Variants in MICAL3 observed in about 807,000 individuals in gnomAD.
MICAL3 encodes the protein [F-actin]-monooxygenase MICAL3.
MICAL3 carries 62 observed loss-of-function variants against 207.4 expected under a neutral mutation model. The observed-to-expected ratio is 0.30, with a 90% CI of 0.24 to 0.37. The LOEUF (loss-of-function observed/expected upper bound fraction) is 0.37, where lower values mean the gene tolerates loss of function less well. Among genes scored for constraint, MICAL3 ranks in the 10% least tolerant of loss-of-function variants. The pLI, the probability that MICAL3 is intolerant of heterozygous loss-of-function variation, is 1.00. For synonymous variants in MICAL3, 1,077 were observed against 1,069.3 expected, an observed-to-expected ratio of 1.01 and a Z score of -0.14; for missense variants, 2,368 against 2,635.6, an observed-to-expected ratio of 0.90 and a Z score of 2.22.
chr22:17,798,384 G>A (rs1601920334), intron 29 of MICAL3, among the ~76,000 whole-genome samples: 2 of 152,164 alleles, frequency 1.3e-5, no homozygotes, highest in South Asian at 2.1e-4. Flanking sequence ...AACATCCTGC[G>A]TAGATAGAGA....
rs528518305 is a variant in MICAL3, at chr22:17,906,512, G to A, written c.264+37C>T. 66 of 1,612,720 alleles carry A rather than the reference G, an allele frequency of 4.1e-5. 1 individual carries two copies. In the Middle Eastern group the frequency reaches 7.0e-4, roughly 17 times the overall value. ...ACGTTGTTGAGGGAGAAGGCATCTC[G>A]TCAGTGACCCCAGGGCCCAACAGGA... On this transcript the variant is annotated intron_variant, in intron 2 of 31. Coordinates refer to ENST00000441493, the MANE Select transcript of MICAL3 (RefSeq NM_015241.3).
chr22:17,805,266 C>A (rs577263522), intron 29 of MICAL3, among the ~76,000 whole-genome samples: 41 of 152,304 alleles, frequency 2.7e-4, no homozygotes, highest in Admixed American at 1.1e-3. Context: ...AGAAGAGGAA[C>A]GGGACGCAGA....
rs116793914 is a variant in MICAL3, at chr22:17,988,851, C to T, written c.-75+35430G>A. Among the ~76,000 whole-genome samples the T allele has an allele frequency of 7.9e-3, 1,197 of 152,242 alleles. 16 individuals carry two copies. Among genetic ancestry groups the T allele is most frequent in the African/African-American group, 0.027 (1,132 of 41,534 alleles). On this transcript the variant is annotated intron_variant, in intron 1 of 31. Coordinates refer to ENST00000441493, the MANE Select transcript of MICAL3 (RefSeq NM_015241.3). ...CATAAAATTTAAGTTTCAGAGGCCA[C>T]AAATAAAAGCATTACTGGAATCCAG...
At chr22:17,820,963 T>C (rs1251653648) in intron 25 of MICAL3, among the ~76,000 whole-genome samples, 1 of 142,816 alleles carries the variant, frequency 7.0e-6, no homozygotes, top group Non-Finnish European at 1.5e-5. Context: ...TAAATTTTAA[T>C]AAATTTATAT....
chr22:17,932,549 C>T (rs925306857), intron 1 of MICAL3, among the ~76,000 whole-genome samples: 1 of 152,174 alleles, frequency 6.6e-6, no homozygotes, highest in Non-Finnish European at 1.5e-5. Context: ...ACTATCAATG[C>T]TATGAAGAAA....
At chr22:17,998,886 T>A (rs1030853856) in intron 1 of MICAL3, among the ~76,000 whole-genome samples, 2 of 152,202 alleles carry the variant, frequency 1.3e-5, no homozygotes, top group South Asian at 4.1e-4. Context: ...CCAGGCCCCA[T>A]AATATTATGG....
chr22:17,852,009 T>C (rs1049684036), intron 19 of MICAL3, among the ~76,000 whole-genome samples: 12 of 152,290 alleles, frequency 7.9e-5, no homozygotes, highest in Non-Finnish European at 1.6e-4. Flanking sequence ...CCAACCCTCC[T>C]GTCCTCCAGA....
At position 17,812,487 on chromosome 22, in the gene MICAL3, T is replaced by G. The variant is rs951716266; in HGVS notation, c.5446-1674A>C. 4 of 985,208 alleles carry G rather than the reference T, an allele frequency of 4.1e-6. No individual in the cohort carries two copies. The African/African-American group carries it at 7.0e-5, about 17-fold the overall frequency. 61.0% of individuals were successfully genotyped at this position (985,208 alleles called of 1,614,324 possible). On this transcript the variant is annotated intron_variant, in intron 27 of 31. Coordinates refer to ENST00000441493, the MANE Select transcript of MICAL3 (RefSeq NM_015241.3). The stretch of plus-strand genomic sequence containing the variant: ...AGACATGCATGCAACGGTGACCAGC[T>G]GACAGGAACGAGACACTACCTTTGA...
intron 20 of MICAL3, chr22:17,840,449 T>C (rs1923901190): frequency 6.6e-6 from 1 of 152,236 alleles, no homozygotes; most frequent in Non-Finnish European, 1.5e-5. Flanking sequence ...GAGGCATGTA[T>C]TGCATTGCAT....
At chr22:17,887,473 T>G (rs1270111187) in intron 13 of MICAL3, 38 bp from the exon 14 acceptor site, 6 of 1,473,612 alleles carry the variant, frequency 4.1e-6, no homozygotes, top group Middle Eastern at 4.4e-4. Context: ...GCACAGCCCT[T>G]GAGGGCGCCG....
intron 20 of MICAL3, chr22:17,840,762 GGGGCCTCCAT>G: frequency 6.6e-6 from 1 of 152,356 alleles, no homozygotes; most frequent in South Asian, 2.1e-4. Context: ...TGGGGAGAGT[GGGGCCTCCAT>G]GGGTGCTCTG....
chr22:17,841,552 C>A lies in MICAL3; in HGVS notation c.2801+270G>T, dbSNP rs1210925544. The stretch of plus-strand genomic sequence containing the variant: ...AATAACCCGGGGGCAGAGCCTGCCA[C>A]TTTCCTTCCCAATGACAGACTTGGA... On this transcript the variant is annotated intron_variant, in intron 20 of 31. Coordinates refer to ENST00000441493, the MANE Select transcript of MICAL3 (RefSeq NM_015241.3). The surrounding 1 kb of genome is among the most constrained non-coding windows in gnomAD (Gnocchi z 4.2). 26 of 567,114 alleles carry A rather than the reference C, an allele frequency of 4.6e-5. No individual in the cohort carries two copies. Among genetic ancestry groups the A allele is most frequent in the Non-Finnish European group, 6.0e-5 (19 of 317,708 alleles). 35.1% of individuals were successfully genotyped at this position (567,114 alleles called of 1,614,324 possible). A position where few individuals can be genotyped will look rare whatever the true frequency, so the allele number is the denominator to read the frequency against.
At chr22:17,926,411 C>T (rs1425516332) in intron 1 of MICAL3, among the ~76,000 whole-genome samples, 2 of 152,194 alleles carry the variant, frequency 1.3e-5, no homozygotes, top group African/African-American at 4.8e-5. Context: ...GTGCATGCTC[C>T]TCCGGCTTTT....
At chr22:17,944,834 T>C (rs1933981019) in intron 1 of MICAL3, among the ~76,000 whole-genome samples, 1 of 152,096 alleles carries the variant, frequency 6.6e-6, no homozygotes. Flanking sequence ...CGGCAGCAGA[T>C]GGGAGAAGAG....
chr22:17,842,673 C>A (rs1415212028), intron 19 of MICAL3, among the ~76,000 whole-genome samples: 1 of 152,270 alleles, frequency 6.6e-6, no homozygotes, highest in Non-Finnish European at 1.5e-5. Flanking sequence ...GGCCTCTCTG[C>A]GATGCACAGG....
chr22:18,011,697 T>C (rs1923744911), intron 1 of MICAL3, among the ~76,000 whole-genome samples: 1 of 150,480 alleles, frequency 6.6e-6, no homozygotes, highest in Non-Finnish European at 1.5e-5. Flanking sequence ...GGTAAAAATA[T>C]TACTATATTA....
At chr22:18,011,750 G>A (rs1263120816) in intron 1 of MICAL3, among the ~76,000 whole-genome samples, 2 of 150,244 alleles carry the variant, frequency 1.3e-5, no homozygotes, top group South Asian at 4.2e-4. Context: ...AAATTAGCTG[G>A]GTGTGGTGGT....
chr22:17,984,151 T>C (rs1936049902), intron 1 of MICAL3, among the ~76,000 whole-genome samples: 1 of 152,156 alleles, frequency 6.6e-6, no homozygotes, highest in South Asian at 2.1e-4. Flanking sequence ...GTTCCATCTA[T>C]CTGACATCTT....
chr22:17,859,350 C>G (rs968957810), intron 19 of MICAL3, among the ~76,000 whole-genome samples: 2 of 152,194 alleles, frequency 1.3e-5, no homozygotes, highest in African/African-American at 4.8e-5. Context: ...GCCTAGGGCC[C>G]GGCAGGTGCA....
Sources: gnomAD v4.1 joint callset for allele counts (sites outside exome capture counted in the v4.1 genomes callset) on GRCh38, gnomAD v4.1.1 for gene constraint, Gnocchi (gnomAD v3.1) non-coding constraint, MANE v1.5 for transcripts, NCBI Gene and HGNC (gene_info 2026-07-23, HGNC 2026-07-21) for gene names.